The following ACOX1 variants were observed in gnomAD, a reference collection of about 807,000 sequenced individuals.
ACOX1 encodes the protein acyl-CoA oxidase 1.
ACOX1 carries 41 observed loss-of-function variants against 75.5 expected under a neutral mutation model. That is an observed-to-expected ratio of 0.54 (90% CI 0.42 to 0.70). ACOX1 has a LOEUF of 0.70. ACOX1 is among the 30% of genes least tolerant of loss of function. ACOX1 has a pLI of 0.00. For synonymous variants in ACOX1, 303 were observed against 298.8 expected (o/e 1.01, Z -0.15); for missense variants, 630 against 837.5 (o/e 0.75, Z 3.06).
chr17:75,976,838 A>T (rs1037083348), intron 2 of ACOX1, among the ~76,000 whole-genome samples: 1 of 152,134 alleles, frequency 6.6e-6, no homozygotes, highest in Non-Finnish European at 1.5e-5. Context: ...CATACGATTT[A>T]GTCTTTACCG....
At chr17:75,959,884 A>G (rs1567880312) in intron 3 of ACOX1, among the ~76,000 whole-genome samples, 1 of 152,370 alleles carries the variant, frequency 6.6e-6, no homozygotes, top group East Asian at 1.9e-4. Context: ...GTAATGAAGA[A>G]AAAAACAGCT....
rs1022873639 is a variant in ACOX1, at chr17:75,967,723, T to C, written c.270-7348A>G. 2.7e-3 allele frequency among the ~76,000 whole-genome samples: 366 copies of C among 135,350 alleles called. 11 individuals are homozygous for C. The highest frequency in any genetic ancestry group is 8.9e-3 in the African/African-American group (314 of 35,228). 88.8% of individuals were successfully genotyped at this position (135,350 alleles called of 152,430 possible). A position where few individuals can be genotyped will look rare whatever the true frequency, so the allele number is the denominator to read the frequency against. On this transcript the variant is annotated intron_variant, in intron 2 of 13. Coordinates refer to ENST00000293217, the MANE Select transcript of ACOX1 (RefSeq NM_004035.7). The stretch of plus-strand genomic sequence containing the variant: ...ATATATATACATATATATATACACA[T>C]ATATATATATACACGTATATATATA...
rs2065766236 is a variant in ACOX1, at chr17:75,950,675, T to C, written c.1298+99A>G. On this transcript the variant is annotated intron_variant, in intron 9 of 13. Transcript: ENST00000293217. The surrounding 1 kb of genome is among the most constrained non-coding windows in gnomAD (Gnocchi z 4.3). ...AAAGTATACCTTTCAGGAACAAATA[T>C]ATATATACGGTGAAGAAAAACCATG... 1 of 1,324,210 alleles carries C rather than the reference T, an allele frequency of 7.6e-7. No individual in the cohort carries two copies. Among genetic ancestry groups the C allele is most frequent in the South Asian group, 1.2e-5 (1 of 82,922 alleles). The allele number at this position is 1,324,210 out of a possible 1,614,324, so 82.0% of individuals were successfully genotyped here.
chr17:75,972,204 T>C (rs963391313), intron 2 of ACOX1, among the ~76,000 whole-genome samples: 5 of 151,358 alleles, frequency 3.3e-5, no homozygotes, highest in East Asian at 3.9e-4. Context: ...GGCGGGCACC[T>C]GTAGTCCCAG....
At chr17:75,956,961 CTCTCTCTCTCTATATA>C (rs1326286750) in intron 4 of ACOX1, among the ~76,000 whole-genome samples, 30 of 22,190 alleles carry the variant, frequency 1.4e-3, no homozygotes, top group South Asian at 2.4e-3. Flanking sequence ...CTCTCTCTCT[CTCTCTCTCTCTATATA>C]TATATATATA....
At chr17:75,956,045 A>G in intron 4 of ACOX1, 98 bp from the exon 5 acceptor site, 2 of 1,521,504 alleles carry the variant, frequency 1.3e-6, no homozygotes, top group South Asian at 2.3e-5. Flanking sequence ...CTAACACTAG[A>G]CTAAACCAAT....
rs2066090956 is a variant in ACOX1, at chr17:75,979,126, T to C, written c.-53A>G. 2 of 1,601,672 alleles carry C rather than the reference T, an allele frequency of 1.2e-6. No individual in the cohort carries two copies. The highest frequency in any genetic ancestry group is 1.7e-6 in the Non-Finnish European group (2 of 1,178,986). On this transcript the variant is annotated 5_prime_UTR_variant, in exon 1 of 14. Coordinates refer to ENST00000293217, the MANE Select transcript of ACOX1 (RefSeq NM_004035.7). ...GCACCGACCGAGGTGGCAGTGACAA[T>C]CTAAATCCGCAGCTCCAGCGCCGGC...
chr17:75,948,434 C>T lies in ACOX1; in HGVS notation c.1752G>A (p.Gln584=), dbSNP rs190226066. ...FLQGSIMTEP[Q]ITQVNQRVKE... ...TTACACGCTGGTTTACTTGTGTAAT[C>T]TGAGGCTCTGTCATGATGCTCCCCT... is the stretch of plus-strand genomic sequence containing the variant. The change falls in exon 13 of 14, where the codon CAG becomes CAA. Residue 584 remains glutamine (Q), a synonymous_variant. Coordinates refer to ENST00000293217, the MANE Select transcript of ACOX1 (RefSeq NM_004035.7). The T allele has an allele frequency of 9.3e-6, 15 of 1,614,006 alleles. No individual in the cohort carries two copies. In the East Asian group the frequency reaches 3.1e-4, roughly 34 times the overall value.
chr17:75,946,824 T>C (rs1299175753), intron 13 of ACOX1, 29 bp from the exon 14 acceptor site: 17 of 1,605,076 alleles, frequency 1.1e-5, no homozygotes, highest in African/African-American at 2.7e-5. Context: ...GAAGAACTAC[T>C]AATAAAGAGT....
At position 75,954,568 on chromosome 17, in the gene ACOX1, C is replaced by CTT. The variant is rs778030630; in HGVS notation, c.775-950_775-949dup. ...AGAAGGAAAAATGCATTATTAGCTC[C>CTT]TTTTTTTTTTTTTTTTTTTTTGAGA... On this transcript the variant is annotated intron_variant, in intron 6 of 13. Coordinates refer to ENST00000293217, the MANE Select transcript of ACOX1 (RefSeq NM_004035.7). 2.0e-3 allele frequency among the ~76,000 whole-genome samples: 231 copies of CTT among 115,638 alleles called. 1 individual carries two copies. Among genetic ancestry groups the CTT allele is most frequent in the Non-Finnish European group, 2.6e-3 (151 of 57,542 alleles). 75.9% of individuals were successfully genotyped at this position (115,638 alleles called of 152,430 possible). A position where few individuals can be genotyped will look rare whatever the true frequency, so the allele number is the denominator to read the frequency against.
chr17:75,963,433 G>T (rs756874087), intron 2 of ACOX1, among the ~76,000 whole-genome samples: 20 of 152,078 alleles, frequency 1.3e-4, no homozygotes, highest in Non-Finnish European at 1.9e-4. Flanking sequence ...CGGGCGCGGT[G>T]GCTCACACCT....
In ACOX1 at chr17:75,944,855, T is replaced by C. The variant is rs563277377; in HGVS notation, c.*1893A>G. On this transcript the variant is annotated 3_prime_UTR_variant, in exon 14 of 14. Coordinates refer to ENST00000293217, the MANE Select transcript of ACOX1 (RefSeq NM_004035.7). Reference sequence around the variant, plus strand: ...GCCAAGTTCAAGCGATTATCCTGCCTCAGCCTCCCGAGTAGCTGGGACTAC... The same window carrying C: ...GCCAAGTTCAAGCGATTATCCTGCCCCAGCCTCCCGAGTAGCTGGGACTAC... 1 of 152,262 alleles carries C rather than the reference T, an allele frequency of 6.6e-6. No individual in the cohort carries two copies. Among genetic ancestry groups the C allele is most frequent in the Admixed American group, 6.5e-5 (1 of 15,278 alleles). The allele number at this position is 152,262 out of a possible 1,614,324, so 9.4% of individuals were successfully genotyped here. A position where few individuals can be genotyped will look rare whatever the true frequency, so the allele number is the denominator to read the frequency against.
intron 4 of ACOX1, among the ~76,000 whole-genome samples, chr17:75,956,312 G>A (rs1213284884): frequency 6.6e-6 from 1 of 152,098 alleles, no homozygotes; most frequent in Non-Finnish European, 1.5e-5. Flanking sequence ...AATATATAAT[G>A]TGAATAACAA....
rs865991671 is a variant in ACOX1 at position 75,968,313 on chromosome 17, G to A, written c.270-7938C>T. Among the ~76,000 whole-genome samples the A allele has an allele frequency of 1.0e-3, 153 of 147,270 alleles. No individual in the cohort carries two copies. The Middle Eastern group carries it at 0.034, about 33-fold the overall frequency. On this transcript the variant is annotated intron_variant, in intron 2 of 13. Transcript: ENST00000293217. Reference sequence around the variant, plus strand: ...TAGCCGGGCGTAGTGGCGGGCGCCTGTAGTCCCAGCTACTTGGGAGGCTGA... The same window carrying A: ...TAGCCGGGCGTAGTGGCGGGCGCCTATAGTCCCAGCTACTTGGGAGGCTGA...
At chr17:75,967,438 C>G (rs1244869500) in intron 2 of ACOX1, among the ~76,000 whole-genome samples, 4 of 151,028 alleles carry the variant, frequency 2.6e-5, no homozygotes, top group Non-Finnish European at 5.9e-5. Flanking sequence ...CCACTGCACT[C>G]CAGCCTGGTG....
chr17:75,950,597 C>G lies in ACOX1; in HGVS notation c.1298+177G>C, dbSNP rs2065765368. Among the ~76,000 whole-genome samples, 2 of 152,082 alleles carry G rather than the reference C, an allele frequency of 1.3e-5. No individual in the cohort carries two copies. Among genetic ancestry groups the G allele is most frequent in the Non-Finnish European group, 2.9e-5 (2 of 68,028 alleles). ...ACTGCAAGCTATGTAACAGGTGCTT[C>G]ATACTCTCTAGCCTCACCACGAAAT... On this transcript the variant is annotated intron_variant, in intron 9 of 13. Transcript: ENST00000293217. This position sits in a 1 kb window ranked among gnomAD's most constrained non-coding sequence, Gnocchi z 4.3.
rs377028643 is a variant in ACOX1 at position 75,968,187 on chromosome 17, A to G, written c.270-7812T>C. On this transcript the variant is annotated intron_variant, in intron 2 of 13. Transcript: ENST00000293217. ...TGCAGTGGCTCACGCCTGTAATCCC[A>G]GCACTTTGGGAGGCCGAGGCGGGCG... is the stretch of plus-strand genomic sequence containing the variant. Among the ~76,000 whole-genome samples, 11 of 151,200 alleles carry G rather than the reference A, an allele frequency of 7.3e-5. 1 individual carries two copies. The South Asian group carries it at 1.3e-3, about 17-fold the overall frequency.
At chr17:75,954,633 G>A (rs1331366871) in intron 6 of ACOX1, among the ~76,000 whole-genome samples, 1 of 131,834 alleles carries the variant, frequency 7.6e-6, no homozygotes, top group African/African-American at 2.9e-5. Context: ...GTGCAGTGGT[G>A]TGATCTCGAC....
In ACOX1 at chr17:75,978,990, C is replaced by A; in HGVS notation, c.84G>T (p.Glu28Asp). The A allele has an allele frequency of 6.2e-7, 1 of 1,611,152 alleles. No individual in the cohort carries two copies. ...CGATCTCTCGGCGGCGCCGGGTTTTCTCGGGGCTGCCGTCCAGGATGTGTG... is the reference window on the plus strand; with the variant it reads ...CGATCTCTCGGCGGCGCCGGGTTTTATCGGGGCTGCCGTCCAGGATGTGTG... ...LLTHILDGSPEKTRRRREIEN... is the reference protein window; with the variant it reads ...LLTHILDGSPDKTRRRREIEN... The change falls in exon 1 of 14, where the codon GAG (glutamate) becomes GAT (aspartate). Residue 28 changes from glutamate to aspartate, a missense_variant. Coordinates refer to ENST00000293217, the MANE Select transcript of ACOX1 (RefSeq NM_004035.7). This position sits in a 1 kb window ranked among gnomAD's most constrained non-coding sequence, Gnocchi z 4.2.
Sources: allele counts gnomAD v4.1 joint callset (sites outside exome capture counted in the v4.1 genomes callset), GRCh38; gene constraint gnomAD v4.1.1; non-coding constraint Gnocchi (gnomAD v3.1); transcripts MANE v1.5; gene names NCBI Gene and HGNC (gene_info 2026-07-23, HGNC 2026-07-21).